Variants in CCDC57 observed in about 807,000 individuals in gnomAD.
CCDC57 encodes the protein coiled-coil domain-containing protein 57.
A neutral mutation model predicts 118.9 loss-of-function variants in CCDC57; 118 were observed. The ratio of observed to expected loss-of-function variants is 0.99; its 90% CI spans 0.86 to 1.16. The LOEUF (loss-of-function observed/expected upper bound fraction) is 1.16, where lower values mean the gene tolerates loss of function less well. Among genes scored for constraint, CCDC57 ranks in the 50% most tolerant of loss-of-function variants. The pLI, the probability that CCDC57 is intolerant of heterozygous loss-of-function variation, is 0.00. For missense variants in CCDC57, 1,300 were observed against 1,320.7 expected, an observed-to-expected ratio of 0.98 and a Z score of 0.24; for synonymous variants, 527 against 532.9, an observed-to-expected ratio of 0.99 and a Z score of 0.15.
chr17:82,190,695 CA>C (rs533549239), intron 7 of CCDC57, among the ~76,000 whole-genome samples: 2,254 of 49,990 alleles, frequency 0.045, 15 homozygotes, highest in African/African-American at 0.078. Flanking sequence ...GACTCTGTCT[CA>C]AAAAAAAAAA....
intron 16 of CCDC57, among the ~76,000 whole-genome samples, chr17:82,143,626 A>G (rs1313163423): frequency 1.3e-5 from 2 of 152,184 alleles, no homozygotes; most frequent in African/African-American, 4.8e-5. Context: ...GCAGTGTTTG[A>G]AAAACAATGA....
chr17:82,183,767 C>T lies in CCDC57; in HGVS notation c.1211+7G>A. ...CTCAATGGAAACATCTGCCTGGGGA[C>T]AGTTACCTTTCAATGTCCTGCTGGG... is the stretch of plus-strand genomic sequence containing the variant. On this transcript the variant is annotated splice_region_variant and intron_variant, in intron 9 of 19. Coordinates refer to ENST00000665763, the Ensembl canonical transcript of CCDC57. 6.4e-7 allele frequency: 1 copy of T among 1,553,014 alleles called. No homozygotes were observed. The highest frequency in any genetic ancestry group is 8.7e-7 in the Non-Finnish European group (1 of 1,147,552).
intron 19 of CCDC57, among the ~76,000 whole-genome samples, chr17:82,113,932 C>A (rs115659875): frequency 0.01 from 1,537 of 152,204 alleles, 24 homozygotes; most frequent in African/African-American, 0.035. Context: ...GGCAACAGAG[C>A]GAGAATAAAG....
At chr17:82,158,929 C>T (rs1165492885) in intron 14 of CCDC57, among the ~76,000 whole-genome samples, 2 of 151,962 alleles carry the variant, frequency 1.3e-5, no homozygotes, top group Non-Finnish European at 1.5e-5. Context: ...CGTGGCTCGC[C>T]GCAGCCTCAA....
At chr17:82,157,571 G>A (rs8080625) in intron 15 of CCDC57, 177 bp downstream of exon 14, 635,353 of 1,431,894 alleles carry the variant, frequency 0.44, 147,600 homozygotes, top group East Asian at 0.89. Flanking sequence ...GGAAGAAGGC[G>A]GAGGAATGGG....
At chr17:82,177,070 A>C in intron 11 of CCDC57, among the ~76,000 whole-genome samples, 1 of 151,666 alleles carries the variant, frequency 6.6e-6, no homozygotes, top group African/African-American at 2.4e-5. Flanking sequence ...ACATGGAGAA[A>C]CCCCATCTCT....
intron 19 of CCDC57, among the ~76,000 whole-genome samples, chr17:82,120,176 T>TA (rs202163234): frequency 0.012 from 1,745 of 151,342 alleles, 35 homozygotes; most frequent in African/African-American, 0.039. Flanking sequence ...TTATTATTAT[T>TA]TTTTTTTTGC....
At chr17:82,177,640 G>A (rs1027774378) in intron 11 of CCDC57, among the ~76,000 whole-genome samples, 5 of 152,142 alleles carry the variant, frequency 3.3e-5, no homozygotes, top group Admixed American at 6.5e-5. Context: ...AAGTACACTC[G>A]GCTGCCTTAA....
intron 19 of CCDC57, among the ~76,000 whole-genome samples, chr17:82,103,246 G>C (rs2034590855): frequency 6.6e-6 from 1 of 152,178 alleles, no homozygotes; most frequent in South Asian, 2.1e-4. Flanking sequence ...ATCCACTCTT[G>C]GGGTCTCAAG....
chr17:82,144,173 G>A (rs2145637940), intron 16 of CCDC57, among the ~76,000 whole-genome samples: 1 of 152,240 alleles, frequency 6.6e-6, no homozygotes, highest in Non-Finnish European at 1.5e-5. Context: ...AGCCGGGCAT[G>A]ATGGCATGCA....
rs188097704 is a variant in CCDC57, at chr17:82,113,865, G to A, written c.2900-11999C>T. ...GGAGACAAAGGCAGGAGGATCACTT[G>A]AGCCTGGAAAGTTGAGGCCACAGTG... is the stretch of plus-strand genomic sequence containing the variant. On this transcript the variant is annotated intron_variant, in intron 19 of 19. Coordinates refer to ENST00000665763, the Ensembl canonical transcript of CCDC57. 519 of 576,982 alleles carry A rather than the reference G, an allele frequency of 9.0e-4. 1 individual carries two copies. The highest frequency in any genetic ancestry group is 2.8e-3 in the Middle Eastern group (6 of 2,154). The allele number at this position is 576,982 out of a possible 1,614,324, so 35.7% of individuals were successfully genotyped here. A position where few individuals can be genotyped will look rare whatever the true frequency, so the allele number is the denominator to read the frequency against.
intron 16 of CCDC57, among the ~76,000 whole-genome samples, chr17:82,135,946 T>C (rs2039097722): frequency 6.6e-6 from 1 of 152,102 alleles, no homozygotes; most frequent in African/African-American, 2.4e-5. Context: ...TTTAAAGATA[T>C]GCAATAAAAG....
intron 9 of CCDC57, among the ~76,000 whole-genome samples, chr17:82,182,966 G>A (rs1222248924): frequency 3.9e-5 from 6 of 152,192 alleles, no homozygotes; most frequent in African/African-American, 2.4e-5. Context: ...GATGACAGGC[G>A]TGAGCCATCA....
Position 82,101,597 on chromosome 17 carries a change from A to AC in CCDC57, c.*84dup, listed in dbSNP as rs569612998. On this transcript the variant is annotated 3_prime_UTR_variant, in exon 20 of 20. Transcript: ENST00000665763. ...CCTCCACCCTGCACGCTGTGCCCAC[A>AC]CCCCCCCACAACACGTAGGTGAAAG... 8.7e-4 allele frequency: 1,034 copies of AC among 1,185,956 alleles called. 5 individuals carry two copies. The African/African-American group carries it at 0.014, about 16-fold the overall frequency. The allele number at this position is 1,185,956 out of a possible 1,614,324, so 73.5% of individuals were successfully genotyped here.
intron 14 of CCDC57, among the ~76,000 whole-genome samples, chr17:82,159,733 G>A (rs1436765052): frequency 6.6e-6 from 1 of 150,542 alleles, no homozygotes; most frequent in Non-Finnish European, 1.5e-5. Context: ...GTGCAGTAGC[G>A]CGATCTCAGC....
chr17:82,120,678 G>C (rs1331821866), intron 19 of CCDC57, among the ~76,000 whole-genome samples: 2 of 152,188 alleles, frequency 1.3e-5, no homozygotes, highest in Non-Finnish European at 2.9e-5. Context: ...TCAACTGCAT[G>C]AACCACTTTA....
chr17:82,180,462 T>C (rs570761554), intron 9 of CCDC57, among the ~76,000 whole-genome samples: 1 of 152,334 alleles, frequency 6.6e-6, no homozygotes, highest in African/African-American at 2.4e-5. Context: ...AATGTGTTCT[T>C]GTTTTGTTTA....
chr17:82,151,712 C>G, exon 16 of CCDC57: 2 of 1,550,370 alleles, frequency 1.3e-6, no homozygotes, highest in Non-Finnish European at 8.7e-7. Context: ...TGCCACTGAC[C>G]GGAGGTGCAG....
exon 18 of CCDC57, chr17:82,128,595 G>A (rs1400342172): frequency 5.8e-6 from 9 of 1,558,552 alleles, no homozygotes; most frequent in South Asian, 1.2e-5. Context: ...CACTCTTGGC[G>A]TCCTGCCGTG....
Sources: allele counts gnomAD v4.1 joint callset (sites outside exome capture counted in the v4.1 genomes callset), GRCh38; gene constraint gnomAD v4.1.1; transcripts MANE v1.5; gene names NCBI Gene and HGNC (gene_info 2026-07-23, HGNC 2026-07-21).